CDH18: variants seen among roughly 807,000 people sequenced by gnomAD.
The protein encoded by CDH18 is cadherin 18, also known as cadherin-18.
Under a neutral mutation model 67.9 loss-of-function variants are expected in CDH18, and 31 were observed. The observed-to-expected ratio is 0.46, with a 90% CI of 0.34 to 0.62. CDH18 has a LOEUF of 0.62. CDH18 is among the 20% of genes least tolerant of loss of function. The probability of loss-of-function intolerance (pLI) is 0.01; values close to 1 mark genes in which losing one functional copy is unlikely to be tolerated. For missense variants in CDH18, 890 were observed against 975.5 expected, an observed-to-expected ratio of 0.91 and a Z score of 1.17; for synonymous variants, 362 against 347.2, an observed-to-expected ratio of 1.04 and a Z score of -0.48.
intron 10 of CDH18, among the ~76,000 whole-genome samples, chr5:19,514,155 G>C (rs545187676): frequency 6.6e-6 from 1 of 152,216 alleles, no homozygotes; most frequent in East Asian, 1.9e-4. Context: ...CTTTATCCAC[G>C]TCCCTACAAA....
chr5:19,705,280 C>T (rs1356185548), intron 5 of CDH18, among the ~76,000 whole-genome samples: 2 of 152,156 alleles, frequency 1.3e-5, no homozygotes, highest in Non-Finnish European at 2.9e-5. Flanking sequence ...CTACTCCTTA[C>T]TCCTACTTGG....
intron 1 of CDH18, among the ~76,000 whole-genome samples, chr5:20,450,630 T>G (rs1750369980): frequency 6.6e-6 from 1 of 152,188 alleles, no homozygotes; most frequent in Non-Finnish European, 1.5e-5. Flanking sequence ...TATTAATGTA[T>G]GCACTTCTTA....
At position 20,075,307 on chromosome 5, in the gene CDH18, G is replaced by A. The variant is rs190379496; in HGVS notation, c.-517-83293C>T. ...ATCACGAGGTCAGGAGATCGAGACC[G>A]TCCTGGCCAACATGGTGAAACCCCG... On this transcript the variant is annotated intron_variant, in intron 2 of 14. Transcript: ENST00000507958. Among the ~76,000 whole-genome samples the A allele has an allele frequency of 1.6e-4, 25 of 152,090 alleles. 1 individual carries two copies. The highest frequency in any genetic ancestry group is 5.1e-4 in the African/African-American group (21 of 41,492).
chr5:19,782,740 T>G (rs529347305), intron 3 of CDH18, among the ~76,000 whole-genome samples: 1 of 152,272 alleles, frequency 6.6e-6, no homozygotes, highest in South Asian at 2.1e-4. Context: ...ATGATAGCAA[T>G]ACTCCCTAAT....
At chr5:19,806,976 T>C (rs577525403) in intron 3 of CDH18, among the ~76,000 whole-genome samples, 29 of 152,350 alleles carry the variant, frequency 1.9e-4, no homozygotes, top group Non-Finnish European at 3.7e-4. Flanking sequence ...TATAATACTC[T>C]CTATTGCTCA....
intron 1 of CDH18, among the ~76,000 whole-genome samples, chr5:20,484,741 A>C (rs1753054360): frequency 6.6e-6 from 1 of 152,084 alleles, no homozygotes; most frequent in Admixed American, 6.6e-5. Flanking sequence ...TGGGGGCTAA[A>C]TATTAAAACA....
chr5:20,297,289 G>A (rs557752008), intron 1 of CDH18, among the ~76,000 whole-genome samples: 145 of 152,216 alleles, frequency 9.5e-4, no homozygotes, highest in Non-Finnish European at 1.6e-3. Context: ...CCCTCTGAAC[G>A]AACTAGCCTT....
chr5:19,504,740 C>T (rs1330305735), intron 10 of CDH18, among the ~76,000 whole-genome samples: 1 of 152,006 alleles, frequency 6.6e-6, no homozygotes, highest in African/African-American at 2.4e-5. Flanking sequence ...TCTCACCTTG[C>T]TCTTGAATTT....
intron 2 of CDH18, among the ~76,000 whole-genome samples, chr5:19,892,172 G>A (rs1478928431): frequency 1.3e-5 from 2 of 152,156 alleles, no homozygotes; most frequent in East Asian, 1.9e-4. Flanking sequence ...GCAAATAAAA[G>A]TTAGAAGACA....
chr5:19,554,119 T>C (rs1561332805), intron 8 of CDH18, among the ~76,000 whole-genome samples: 3 of 152,192 alleles, frequency 2.0e-5, no homozygotes, highest in Non-Finnish European at 2.9e-5. Flanking sequence ...ATTGTGCTTA[T>C]GTGCTTAATA....
At chr5:19,654,300 A>G (rs1261007376) in intron 5 of CDH18, among the ~76,000 whole-genome samples, 1 of 152,200 alleles carries the variant, frequency 6.6e-6, no homozygotes, top group Admixed American at 6.5e-5. Flanking sequence ...TTTGTATTAC[A>G]TAACTAAAAA....
Position 20,426,852 on chromosome 5 carries a change from C to T in CDH18, c.-580+148610G>A, listed in dbSNP as rs139216238. The stretch of plus-strand genomic sequence containing the variant: ...GGTTGCAAACAATTTGCAGGGCTGA[C>T]AAGGGTATGGCTTCTGTAAAATCTG... On this transcript the variant is annotated intron_variant, in intron 1 of 14. Coordinates refer to the CDH18 transcript ENST00000507958. 3.7e-3 allele frequency among the ~76,000 whole-genome samples: 562 copies of T among 151,210 alleles called. 41 individuals are homozygous for T. Among genetic ancestry groups the T allele is most frequent in the African/African-American group, 0.013 (528 of 40,586 alleles).
At chr5:19,965,135 TGTTTTCTATACCCGC>T (rs1189286931) in intron 2 of CDH18, among the ~76,000 whole-genome samples, 1 of 152,188 alleles carries the variant, frequency 6.6e-6, no homozygotes, top group Non-Finnish European at 1.5e-5. Flanking sequence ...GTAGTTTATA[TGTTTTCTATACCCGC>T]GTTTTAAACA....
chr5:19,512,978 A>T (rs1360717664), intron 10 of CDH18, among the ~76,000 whole-genome samples: 1 of 151,948 alleles, frequency 6.6e-6, no homozygotes, highest in Non-Finnish European at 1.5e-5. Flanking sequence ...TACTGTCATG[A>T]TTTTTCTTAA....
At chr5:20,236,669 A>G (rs1014443366) in intron 2 of CDH18, among the ~76,000 whole-genome samples, 1 of 152,062 alleles carries the variant, frequency 6.6e-6, no homozygotes, top group African/African-American at 2.4e-5. Context: ...ACGTCCCAAT[A>G]TCTATTAAAC....
intron 3 of CDH18, among the ~76,000 whole-genome samples, chr5:19,782,391 G>A (rs1200368366): frequency 6.6e-6 from 1 of 152,122 alleles, no homozygotes. Flanking sequence ...GGATTATGGA[G>A]ATTACAATTC....
chr5:20,412,030 C>T (rs992513879), intron 1 of CDH18, among the ~76,000 whole-genome samples: 2 of 152,072 alleles, frequency 1.3e-5, no homozygotes, highest in Admixed American at 1.3e-4. Context: ...TTAGAAAAAG[C>T]AATCCTAAAA....
intron 1 of CDH18, among the ~76,000 whole-genome samples, chr5:20,421,382 T>G (rs1395632956): frequency 1.3e-5 from 2 of 150,452 alleles, no homozygotes; most frequent in Non-Finnish European, 2.9e-5. Flanking sequence ...TTTTTTATGC[T>G]CTTTCAGATG....
At chr5:20,023,662 A>C (rs1580061516) in intron 2 of CDH18, among the ~76,000 whole-genome samples, 1 of 150,186 alleles carries the variant, frequency 6.7e-6, no homozygotes, top group East Asian at 1.9e-4. Context: ...CCGTCTCAAA[A>C]AAAAAAAAAA....
Sources: allele counts gnomAD v4.1 joint callset (sites outside exome capture counted in the v4.1 genomes callset), GRCh38; gene constraint gnomAD v4.1.1; transcripts MANE v1.5; gene names NCBI Gene and HGNC (gene_info 2026-07-23, HGNC 2026-07-21).